ZBTB20: variants seen among roughly 807,000 people sequenced by gnomAD.
ZBTB20 encodes zinc finger and BTB domain-containing protein 20.
A neutral mutation model predicts 56.9 loss-of-function variants in ZBTB20; 9 were observed. That is an observed-to-expected ratio of 0.16 (90% CI 0.10 to 0.28). The LOEUF is 0.28. Ranked by LOEUF, ZBTB20 falls within the 10% of genes least tolerant of loss-of-function variation. The probability of loss-of-function intolerance (pLI) is 1.00; values close to 1 mark genes in which losing one functional copy is unlikely to be tolerated. For missense variants in ZBTB20, 655 were observed against 1,003.0 expected (o/e 0.65, Z 4.69); for synonymous variants, 417 against 420.7 (o/e 0.99, Z 0.11).
At chr3:114,382,252 T>C (rs139590833) in intron 8 of ZBTB20, among the ~76,000 whole-genome samples, 24 of 152,348 alleles carry the variant, frequency 1.6e-4, no homozygotes, top group African/African-American at 3.8e-4. Context: ...CTACTGCTTT[T>C]TATCTAGCTG....
At chr3:114,653,734 G>A (rs2060248885) in intron 6 of ZBTB20, among the ~76,000 whole-genome samples, 2 of 151,680 alleles carry the variant, frequency 1.3e-5, no homozygotes, top group Admixed American at 1.3e-4. Flanking sequence ...AATTCTCCAG[G>A]GAAACTATCT....
intron 4 of ZBTB20, among the ~76,000 whole-genome samples, chr3:114,840,981 ATAATATCAT>A (rs1463440603): frequency 3.3e-5 from 5 of 152,346 alleles, no homozygotes; most frequent in African/African-American, 9.6e-5. Flanking sequence ...TAAATTAGCT[ATAATATCAT>A]TTGTAGCTAT....
At chr3:115,080,333 TC>T (rs1462955668) in intron 1 of ZBTB20, among the ~76,000 whole-genome samples, 1 of 152,178 alleles carries the variant, frequency 6.6e-6, no homozygotes, top group Non-Finnish European at 1.5e-5. Flanking sequence ...GAATAAGCTG[TC>T]CATGGTCTTA....
At chr3:114,730,926 A>G (rs1235427929) in intron 5 of ZBTB20, among the ~76,000 whole-genome samples, 2 of 152,216 alleles carry the variant, frequency 1.3e-5, no homozygotes, top group African/African-American at 4.8e-5. Context: ...CCCAAGAGAC[A>G]AGGATTCAAT....
intron 7 of ZBTB20, among the ~76,000 whole-genome samples, chr3:114,474,053 G>C (rs1218443282): frequency 6.6e-6 from 1 of 152,160 alleles, no homozygotes; most frequent in Non-Finnish European, 1.5e-5. Flanking sequence ...CTTATGCAGG[G>C]AAACTCCCCT....
intron 6 of ZBTB20, among the ~76,000 whole-genome samples, chr3:114,637,287 G>T (rs1049032495): frequency 4.6e-5 from 7 of 151,972 alleles, no homozygotes; most frequent in South Asian, 2.1e-4. Context: ...AGATCACAGA[G>T]AACTGAACAT....
intron 3 of ZBTB20, among the ~76,000 whole-genome samples, chr3:114,915,418 G>A (rs76142020): frequency 0.015 from 2,207 of 151,746 alleles, 42 homozygotes; most frequent in African/African-American, 0.05. Flanking sequence ...TCAATTGTAA[G>A]GTAACCTTTT....
At chr3:114,729,896 T>G (rs2065602670) in intron 5 of ZBTB20, among the ~76,000 whole-genome samples, 1 of 151,584 alleles carries the variant, frequency 6.6e-6, no homozygotes, top group African/African-American at 2.4e-5. Flanking sequence ...CTCAAACTCC[T>G]GGGCTCAAAC....
intron 2 of ZBTB20, among the ~76,000 whole-genome samples, chr3:115,058,066 CATT>C (rs1412892324): frequency 6.6e-6 from 1 of 152,108 alleles, no homozygotes; most frequent in East Asian, 1.9e-4. Context: ...AGAACTCACT[CATT>C]ATCATGAGAA....
chr3:114,525,795 C>T (rs1436643908), intron 6 of ZBTB20, among the ~76,000 whole-genome samples: 1 of 152,170 alleles, frequency 6.6e-6, no homozygotes. Flanking sequence ...AGACTTCCAT[C>T]TTCCTCAACA....
intron 1 of ZBTB20, among the ~76,000 whole-genome samples, chr3:115,098,477 C>T (rs994973087): frequency 1.3e-5 from 2 of 152,048 alleles, no homozygotes; most frequent in Non-Finnish European, 2.9e-5. Context: ...ACCATATTAA[C>T]ATAAAATACT....
chr3:114,474,425 T>C (rs756432526), intron 7 of ZBTB20, among the ~76,000 whole-genome samples: 1 of 152,342 alleles, frequency 6.6e-6, no homozygotes, highest in Middle Eastern at 3.4e-3. Flanking sequence ...GAAAAAGACC[T>C]GCAAGCAGCC....
At chr3:114,833,521 G>T (rs1330643399) in intron 4 of ZBTB20, among the ~76,000 whole-genome samples, 1 of 151,604 alleles carries the variant, frequency 6.6e-6, no homozygotes, top group Non-Finnish European at 1.5e-5. Flanking sequence ...AGTAACAAGA[G>T]AATTTTTTTT....
intron 4 of ZBTB20, among the ~76,000 whole-genome samples, chr3:114,855,429 C>A (rs1417406334): frequency 6.6e-6 from 1 of 152,104 alleles, no homozygotes; most frequent in East Asian, 1.9e-4. Context: ...CTAGTGTTTT[C>A]CTAGCATGAA....
At chr3:114,602,739 GA>G (rs982401024) in intron 6 of ZBTB20, among the ~76,000 whole-genome samples, 4 of 151,912 alleles carry the variant, frequency 2.6e-5, no homozygotes, top group Admixed American at 1.3e-4. Context: ...GTATATGGGG[GA>G]AAAAAGGCTT....
In ZBTB20 at chr3:114,329,630, CAGAT is replaced by C. The variant is rs1027412414; in HGVS notation, c.*9371_*9374del. 28 of 137,672 alleles carry C rather than the reference CAGAT, an allele frequency of 2.0e-4. No homozygotes were observed. Among genetic ancestry groups the C allele is most frequent in the African/African-American group, 7.3e-4 (27 of 36,864 alleles). 8.5% of individuals were successfully genotyped at this position (137,672 alleles called of 1,614,324 possible). A position where few individuals can be genotyped will look rare whatever the true frequency, so the allele number is the denominator to read the frequency against. On this transcript the variant is annotated 3_prime_UTR_variant, in exon 12 of 12. Coordinates refer to ENST00000675478, the MANE Select transcript of ZBTB20 (RefSeq NM_001348800.3). Reference sequence around the variant, plus strand: ...GGATTCCTCAGATTTAAAAATGTCTCAGATAGATATTTCCAAATTCTATTTCTAT... The same window carrying C: ...GGATTCCTCAGATTTAAAAATGTCTCAGATATTTCCAAATTCTATTTCTAT...
chr3:114,810,473 G>A (rs2072438734), intron 4 of ZBTB20, among the ~76,000 whole-genome samples: 1 of 152,136 alleles, frequency 6.6e-6, no homozygotes, highest in South Asian at 2.1e-4. Context: ...CCCCCTTTCA[G>A]CAGTGAAGTT....
At position 114,438,821 on chromosome 3, in the gene ZBTB20, G is replaced by A. The variant is rs541664700; in HGVS notation, c.-254-49716C>T. Among the ~76,000 whole-genome samples, 10 of 152,238 alleles carry A rather than the reference G, an allele frequency of 6.6e-5. No individual in the cohort carries two copies. The South Asian group carries it at 2.1e-3, about 32-fold the overall frequency. On this transcript the variant is annotated intron_variant, in intron 7 of 11. Coordinates refer to ENST00000675478, the MANE Select transcript of ZBTB20 (RefSeq NM_001348800.3). ...GCACATCAAGCCAGGCATAGGGCCC[G>A]TCCAAACATGGGACCTTGTGCAACT...
intron 6 of ZBTB20, among the ~76,000 whole-genome samples, chr3:114,642,064 G>C (rs1320492927): frequency 1.3e-5 from 2 of 151,934 alleles, no homozygotes; most frequent in Non-Finnish European, 2.9e-5. Flanking sequence ...TTTCAGGTAT[G>C]CACAAGGTTC....
Sources: allele counts gnomAD v4.1 joint callset (sites outside exome capture counted in the v4.1 genomes callset), GRCh38; gene constraint gnomAD v4.1.1; transcripts MANE v1.5; gene names NCBI Gene and HGNC (gene_info 2026-07-23, HGNC 2026-07-21).